RNF144B: variants seen among roughly 807,000 people sequenced by gnomAD.
RNF144B encodes the protein ring finger protein 144B, also known as E3 ubiquitin-protein ligase RNF144B.
A neutral mutation model predicts 40.2 loss-of-function variants in RNF144B; 25 were observed. The observed-to-expected ratio is 0.62, with a 90% CI of 0.45 to 0.87. The LOEUF (loss-of-function observed/expected upper bound fraction) is 0.87, where lower values mean the gene tolerates loss of function less well. Among genes scored for constraint, RNF144B ranks in the 40% least tolerant of loss-of-function variants. RNF144B has a pLI of 0.00. For synonymous variants in RNF144B, 145 were observed against 136.3 expected, an observed-to-expected ratio of 1.06 and a Z score of -0.44; for missense variants, 365 against 373.7, an observed-to-expected ratio of 0.98 and a Z score of 0.19.
In RNF144B at chr6:18,467,434, G is replaced by A. The variant is rs905997610; in HGVS notation, c.*2367G>A. 2.6e-5 allele frequency: 3 copies of A among 115,376 alleles called. No homozygotes were observed. Among genetic ancestry groups the A allele is most frequent in the African/African-American group, 1.0e-4 (3 of 29,224 alleles). The allele number at this position is 115,376 out of a possible 1,614,324, so 7.1% of individuals were successfully genotyped here. ...TTTTTTTTTTTGCCAGGGCTATGGA[G>A]TGGGGGTTGTTTGTCAAACTGATTT... is the stretch of plus-strand genomic sequence containing the variant. On this transcript the variant is annotated 3_prime_UTR_variant, in exon 8 of 8. Coordinates refer to ENST00000259939, the MANE Select transcript of RNF144B (RefSeq NM_182757.4).
intron 2 of RNF144B, 142 bp downstream of exon 2, chr6:18,399,841 A>G (rs1763537207): frequency 3.1e-6 from 2 of 648,354 alleles, no homozygotes; most frequent in Non-Finnish European, 5.2e-6. Flanking sequence ...ATTTGAACCT[A>G]TTTCCAAATA....
In RNF144B at chr6:18,467,605, C is replaced by G. The variant is rs1759600594; in HGVS notation, c.*2538C>G. 1 of 151,346 alleles carries G rather than the reference C, an allele frequency of 6.6e-6. No individual in the cohort carries two copies. The highest frequency in any genetic ancestry group is 1.5e-5 in the Non-Finnish European group (1 of 67,882). The allele number at this position is 151,346 out of a possible 1,614,324, so 9.4% of individuals were successfully genotyped here. A position where few individuals can be genotyped will look rare whatever the true frequency, so the allele number is the denominator to read the frequency against. On this transcript the variant is annotated 3_prime_UTR_variant, in exon 8 of 8. Coordinates refer to ENST00000259939, the MANE Select transcript of RNF144B (RefSeq NM_182757.4). The stretch of plus-strand genomic sequence containing the variant: ...ATCAAGGGGCATGATACAAACCAGT[C>G]TAAAGACTGTTTATAAAGGAGAGAG...
At position 18,412,608 on chromosome 6, in the gene RNF144B, G is replaced by A. The variant is rs1013800996; in HGVS notation, c.165+12909G>A. On this transcript the variant is annotated intron_variant, in intron 2 of 7. Transcript: ENST00000259939. The surrounding 1 kb of genome is among the most constrained non-coding windows in gnomAD (Gnocchi z 4.2). ...AAATGTTACTAAGTAGGTAAAGGAG[G>A]TTTAAAAAATTTAGGCAAGTTGAAA... Among the ~76,000 whole-genome samples, 4 of 152,164 alleles carry A rather than the reference G, an allele frequency of 2.6e-5. No individual in the cohort carries two copies. Among genetic ancestry groups the A allele is most frequent in the African/African-American group, 9.7e-5 (4 of 41,442 alleles).
chr6:18,390,137 C>T (rs930350175), intron 1 of RNF144B, among the ~76,000 whole-genome samples: 1 of 152,166 alleles, frequency 6.6e-6, no homozygotes, highest in Non-Finnish European at 1.5e-5. Context: ...ATTCACATTG[C>T]TTTGCCAGAT....
Position 18,406,820 on chromosome 6 carries a change from A to G in RNF144B, c.165+7121A>G, listed in dbSNP as rs1379731018. Among the ~76,000 whole-genome samples, 2 of 152,108 alleles carry G rather than the reference A, an allele frequency of 1.3e-5. No homozygotes were observed. Among genetic ancestry groups the G allele is most frequent in the Non-Finnish European group, 2.9e-5 (2 of 68,018 alleles). Reference sequence around the variant, plus strand: ...GCTGATTGTATTAGTCTGTTTTCACACTGCTATAAAGAATACCTGAGATCT... The same window carrying G: ...GCTGATTGTATTAGTCTGTTTTCACGCTGCTATAAAGAATACCTGAGATCT... On this transcript the variant is annotated intron_variant, in intron 2 of 7. Coordinates refer to ENST00000259939, the MANE Select transcript of RNF144B (RefSeq NM_182757.4). This position sits in a 1 kb window ranked among gnomAD's most constrained non-coding sequence, Gnocchi z 4.2.
Position 18,398,108 on chromosome 6 carries a change from C to A in RNF144B, c.-36-1391C>A, listed in dbSNP as rs1794727265. 6.6e-6 allele frequency among the ~76,000 whole-genome samples: 1 copy of A among 151,818 alleles called. No homozygotes were observed. Among genetic ancestry groups the A allele is most frequent in the African/African-American group, 2.4e-5 (1 of 41,340 alleles). On this transcript the variant is annotated intron_variant, in intron 1 of 7. Coordinates refer to ENST00000259939, the MANE Select transcript of RNF144B (RefSeq NM_182757.4). This position sits in a 1 kb window ranked among gnomAD's most constrained non-coding sequence, Gnocchi z 5.0. ...TGGGCAACAGAGAGAGACCCTTTCT[C>A]TAGGAAAAAAAAACCCCACAAACAG...
chr6:18,387,455 G>C lies in RNF144B; in HGVS notation c.-212G>C, dbSNP rs1253741550. Reference sequence around the variant, plus strand: ...GCCTCCTCCCGACCCGTAGGTCTGGGAGCGCAAGTCCTGTTGCAGTCTTGC... The same window carrying C: ...GCCTCCTCCCGACCCGTAGGTCTGGCAGCGCAAGTCCTGTTGCAGTCTTGC... On this transcript the variant is annotated 5_prime_UTR_variant, in exon 1 of 8. Coordinates refer to ENST00000259939, the MANE Select transcript of RNF144B (RefSeq NM_182757.4). 4 of 1,240,870 alleles carry C rather than the reference G, an allele frequency of 3.2e-6. No homozygotes were observed. The highest frequency in any genetic ancestry group is 4.2e-6 in the Non-Finnish European group (4 of 960,710). The allele number at this position is 1,240,870 out of a possible 1,614,324, so 76.9% of individuals were successfully genotyped here. A position where few individuals can be genotyped will look rare whatever the true frequency, so the allele number is the denominator to read the frequency against.
intron 2 of RNF144B, among the ~76,000 whole-genome samples, chr6:18,415,790 A>G (rs955644863): frequency 1.6e-4 from 24 of 151,646 alleles, no homozygotes; most frequent in Non-Finnish European, 3.2e-4. Context: ...TGACTAGCAT[A>G]GCCGTACCTC....
chr6:18,404,529 T>C (rs1794856762), intron 2 of RNF144B, among the ~76,000 whole-genome samples: 1 of 152,234 alleles, frequency 6.6e-6, no homozygotes, highest in South Asian at 2.1e-4. Flanking sequence ...ATGATTTGAC[T>C]GGCTTCCTCA....
intron 2 of RNF144B, among the ~76,000 whole-genome samples, chr6:18,421,766 G>A (rs764152077): frequency 5.9e-5 from 9 of 152,152 alleles, no homozygotes; most frequent in Admixed American, 1.3e-4. Context: ...AATACAGTGC[G>A]AGCTGGGCCT....
rs562276157 is a variant in RNF144B, at chr6:18,425,371, G to A, written c.166-2210G>A. ...AATGGAACAGGTGTGGCTGATGGAA[G>A]GCTGAGATGTCCTCAGCAGCAGAAC... On this transcript the variant is annotated intron_variant, in intron 2 of 7. Coordinates refer to ENST00000259939, the MANE Select transcript of RNF144B (RefSeq NM_182757.4). The surrounding 1 kb of genome is among the most constrained non-coding windows in gnomAD (Gnocchi z 4.2). 6.7e-4 allele frequency among the ~76,000 whole-genome samples: 102 copies of A among 152,282 alleles called. 1 individual carries two copies. Among genetic ancestry groups the A allele is most frequent in the African/African-American group, 2.4e-3 (100 of 41,570 alleles).
chr6:18,456,732 G>C lies in RNF144B; in HGVS notation c.332-423G>C, dbSNP rs192683895. ...ACTAATAGTAGAAATCCTCACCCTT[G>C]TTGTATTATACTTCCATAAATGTCA... is the stretch of plus-strand genomic sequence containing the variant. On this transcript the variant is annotated intron_variant, in intron 4 of 7. Transcript: ENST00000259939. This position sits in a 1 kb window ranked among gnomAD's most constrained non-coding sequence, Gnocchi z 4.7. 2.2e-3 allele frequency among the ~76,000 whole-genome samples: 332 copies of C among 152,282 alleles called. 4 individuals are homozygous for C. The highest frequency in any genetic ancestry group is 7.4e-3 in the African/African-American group (307 of 41,560).
chr6:18,430,912 G>A (rs1393082631), intron 3 of RNF144B, among the ~76,000 whole-genome samples: 1 of 151,902 alleles, frequency 6.6e-6, no homozygotes, highest in Non-Finnish European at 1.5e-5. Flanking sequence ...TTACTTTTGT[G>A]CATTAAAACC....
rs949499833 is a variant in RNF144B, at chr6:18,444,508, T to C, written c.331+4764T>C. Among the ~76,000 whole-genome samples, 1 of 152,186 alleles carries C rather than the reference T, an allele frequency of 6.6e-6. No individual in the cohort carries two copies. The highest frequency in any genetic ancestry group is 1.9e-4 in the East Asian group (1 of 5,198). ...GTTAAGATGATCCATCTTGAGTTCT[T>C]ACGCACTTTTCCTTTTTTTGTGACC... On this transcript the variant is annotated intron_variant, in intron 4 of 7. Coordinates refer to ENST00000259939, the MANE Select transcript of RNF144B (RefSeq NM_182757.4). This position sits in a 1 kb window ranked among gnomAD's most constrained non-coding sequence, Gnocchi z 4.3.
intron 7 of RNF144B, among the ~76,000 whole-genome samples, 198 bp downstream of exon 7, chr6:18,463,578 G>A (rs926502083): frequency 5.9e-5 from 9 of 152,212 alleles, no homozygotes; most frequent in African/African-American, 2.2e-4. Context: ...GTCTCCTTAA[G>A]GACAAGCGGA....
At chr6:18,454,439 C>T (rs1759283013) in intron 4 of RNF144B, among the ~76,000 whole-genome samples, 1 of 152,208 alleles carries the variant, frequency 6.6e-6, no homozygotes, top group Non-Finnish European at 1.5e-5. Flanking sequence ...CAAAATCTGT[C>T]TCTTAGTTAC....
chr6:18,405,174 A>G lies in RNF144B; in HGVS notation c.165+5475A>G, dbSNP rs12174898. Among the ~76,000 whole-genome samples the G allele has an allele frequency of 3.5e-5, 5 of 142,608 alleles. No individual in the cohort carries two copies. The highest frequency in any genetic ancestry group is 2.1e-4 in the Admixed American group (3 of 13,968). 93.6% of individuals were successfully genotyped at this position (142,608 alleles called of 152,430 possible). A position where few individuals can be genotyped will look rare whatever the true frequency, so the allele number is the denominator to read the frequency against. ...CTTTATTATTATTATTATTATTATTATTGTTATTATTATTTTTGAGATGGA... is the reference window on the plus strand; with the variant it reads ...CTTTATTATTATTATTATTATTATTGTTGTTATTATTATTTTTGAGATGGA... On this transcript the variant is annotated intron_variant, in intron 2 of 7. Coordinates refer to ENST00000259939, the MANE Select transcript of RNF144B (RefSeq NM_182757.4). The surrounding 1 kb of genome is among the most constrained non-coding windows in gnomAD (Gnocchi z 4.5).
At chr6:18,390,214 AT>A (rs1166540482) in intron 1 of RNF144B, among the ~76,000 whole-genome samples, 1 of 152,192 alleles carries the variant, frequency 6.6e-6, no homozygotes, top group Non-Finnish European at 1.5e-5. Context: ...TACCTTGACC[AT>A]TTGACCATTA....
chr6:18,457,250 G>A lies in RNF144B; in HGVS notation c.427G>A (p.Val143Met), dbSNP rs1344248877. The A allele has an allele frequency of 1.2e-6, 2 of 1,614,088 alleles. No individual in the cohort carries two copies. Among genetic ancestry groups the A allele is most frequent in the South Asian group, 1.1e-5 (1 of 91,080 alleles). The change falls in exon 5 of 8, where the codon GTG (valine) becomes ATG (methionine). Residue 143 changes from valine (V) to methionine (M), a missense_variant. By Grantham distance (21) the Val-to-Met change is conservative. Transcript: ENST00000259939. This position sits in a 1 kb window ranked among gnomAD's most constrained non-coding sequence, Gnocchi z 5.1. ...ASSDPGQPVL[V>M]ECPSCHLKFC... ...GAGTGACCCAGGACAGCCTGTGCTG[G>A]TGGAATGCCCTTCTTGCCACCTGAA...
Sources: allele counts gnomAD v4.1 joint callset (sites outside exome capture counted in the v4.1 genomes callset), GRCh38; gene constraint gnomAD v4.1.1; non-coding constraint Gnocchi (gnomAD v3.1); transcripts MANE v1.5; gene names NCBI Gene and HGNC (gene_info 2026-07-23, HGNC 2026-07-21).